DYRK1A: variants seen among roughly 807,000 people sequenced by gnomAD.
The protein encoded by DYRK1A is dual specificity tyrosine-phosphorylation-regulated kinase 1A.
Under a neutral mutation model 79.7 loss-of-function variants are expected in DYRK1A, and 9 were observed. The ratio of observed to expected loss-of-function variants is 0.11; its 90% CI spans 0.07 to 0.20. The LOEUF (loss-of-function observed/expected upper bound fraction) is 0.20, where lower values mean the gene tolerates loss of function less well. DYRK1A is among the 10% of genes least tolerant of loss of function. The pLI, the probability that DYRK1A is intolerant of heterozygous loss-of-function variation, is 1.00. For synonymous variants in DYRK1A, 349 were observed against 329.7 expected (o/e 1.06, Z -0.63); for missense variants, 622 against 956.0 (o/e 0.65, Z 4.61).
chr21:37,446,107 G>A (rs1256773226), intron 2 of DYRK1A, among the ~76,000 whole-genome samples: 1 of 151,968 alleles, frequency 6.6e-6, no homozygotes, highest in Non-Finnish European at 1.5e-5. Context: ...TGATGTGCAG[G>A]AAAATGTATT....
intron 1 of DYRK1A, among the ~76,000 whole-genome samples, chr21:37,377,232 A>G (rs547399193): frequency 3.3e-5 from 5 of 151,846 alleles, no homozygotes; most frequent in Non-Finnish European, 7.4e-5. Context: ...CCATTCTCCT[A>G]TCTCAGCCTC....
Position 37,496,246 on chromosome 21 carries a change from A to G in DYRK1A, c.1200A>G (p.Lys400=). 6.2e-7 allele frequency: 1 copy of G among 1,612,648 alleles called. No individual in the cohort carries two copies. Among genetic ancestry groups the G allele is most frequent in the South Asian group, 1.1e-5 (1 of 90,590 alleles). Residue 400 remains lysine, a synonymous_variant, in exon 9 of 12, where the codon AAA becomes AAG. Transcript: ENST00000647188. ...PDGTWNLKKT[K]DGKREYKPPG... The stretch of plus-strand genomic sequence containing the variant: ...GCACTTGGAACTTAAAGAAGACCAA[A>G]GATGGAAAACGGGTAAAATAAGGAT...
intron 3 of DYRK1A, among the ~76,000 whole-genome samples, chr21:37,474,907 A>T (rs2052345640): frequency 6.6e-6 from 1 of 152,176 alleles, no homozygotes; most frequent in South Asian, 2.1e-4. Flanking sequence ...AGCTTTATTA[A>T]TGCTCTCAAA....
rs2148374971 is a variant in DYRK1A at position 37,384,116 on chromosome 21, A to T, written c.-77+16488A>T. Among the ~76,000 whole-genome samples, 2 of 152,240 alleles carry T rather than the reference A, an allele frequency of 1.3e-5. 1 individual carries two copies. Among genetic ancestry groups the T allele is most frequent in the South Asian group, 4.1e-4 (2 of 4,828 alleles). On this transcript the variant is annotated intron_variant, in intron 1 of 11. Transcript: ENST00000647188. ...TTTCACACCTCAGTGCAGGAAGGGG[A>T]TCCCAGATAAAGCCACGTGGCCCCA...
At chr21:37,480,150 T>C (rs2052585306) in intron 4 of DYRK1A, among the ~76,000 whole-genome samples, 1 of 152,180 alleles carries the variant, frequency 6.6e-6, no homozygotes, top group Non-Finnish European at 1.5e-5. Context: ...CAAATATAAA[T>C]AAATTCATGC....
intron 1 of DYRK1A, among the ~76,000 whole-genome samples, chr21:37,410,917 C>T (rs1366079527): frequency 2.0e-5 from 3 of 151,890 alleles, no homozygotes; most frequent in Admixed American, 6.6e-5. Context: ...GGCATGGTGG[C>T]GCCCACTTGT....
chr21:37,454,471 A>T (rs577097679), intron 2 of DYRK1A, among the ~76,000 whole-genome samples: 2 of 152,280 alleles, frequency 1.3e-5, no homozygotes, highest in Non-Finnish European at 2.9e-5. Context: ...GTAGTTTTGG[A>T]TGCTTATGGA....
intron 10 of DYRK1A, 79 bp from the exon 11 acceptor site, chr21:37,506,020 G>A: frequency 6.7e-7 from 1 of 1,484,796 alleles, no homozygotes; most frequent in Admixed American, 2.0e-5. Flanking sequence ...CAGTTTTAAT[G>A]GTATAGCTTC....
intron 2 of DYRK1A, among the ~76,000 whole-genome samples, chr21:37,420,790 A>T (rs1179207829): frequency 2.0e-5 from 3 of 152,050 alleles, no homozygotes; most frequent in African/African-American, 4.8e-5. Flanking sequence ...CAAGTTAAGG[A>T]TATTATACCC....
At chr21:37,450,414 CGTT>C (rs1354068697) in intron 2 of DYRK1A, among the ~76,000 whole-genome samples, 2 of 152,134 alleles carry the variant, frequency 1.3e-5, no homozygotes, top group African/African-American at 2.4e-5. Flanking sequence ...ATTTTTATCA[CGTT>C]GTTAAGCCTC....
At chr21:37,447,789 G>C (rs2051320789) in intron 2 of DYRK1A, among the ~76,000 whole-genome samples, 1 of 152,168 alleles carries the variant, frequency 6.6e-6, no homozygotes, top group African/African-American at 2.4e-5. Flanking sequence ...TAGCCTCTAG[G>C]TGTGGGATCA....
chr21:37,441,126 C>T (rs1431484390), intron 2 of DYRK1A, among the ~76,000 whole-genome samples: 1 of 152,084 alleles, frequency 6.6e-6, no homozygotes, highest in Non-Finnish European at 1.5e-5. Flanking sequence ...GGTGATTTGA[C>T]ACTTTTATCA....
intron 5 of DYRK1A, 65 bp downstream of exon 5, chr21:37,480,891 A>G: frequency 7.6e-7 from 1 of 1,310,594 alleles, no homozygotes; most frequent in Admixed American, 2.3e-5. Context: ...TCTTGTTGTT[A>G]ACAGCCCTTC....
chr21:37,417,085 C>T (rs936826970), intron 1 of DYRK1A, among the ~76,000 whole-genome samples: 4 of 152,126 alleles, frequency 2.6e-5, no homozygotes, highest in Non-Finnish European at 5.9e-5. Flanking sequence ...ACATATTGCA[C>T]CTGCCATTTA....
chr21:37,395,949 C>G (rs967430825), intron 1 of DYRK1A, among the ~76,000 whole-genome samples: 1 of 152,210 alleles, frequency 6.6e-6, no homozygotes, highest in Non-Finnish European at 1.5e-5. Context: ...TAACATATGA[C>G]AAGCCAGGGC....
chr21:37,395,989 G>A (rs986220647), intron 1 of DYRK1A, among the ~76,000 whole-genome samples: 5 of 152,324 alleles, frequency 3.3e-5, no homozygotes, highest in Admixed American at 2.6e-4. Context: ...CATAGGAGAT[G>A]TTCTCTCAGG....
intron 5 of DYRK1A, among the ~76,000 whole-genome samples, chr21:37,484,688 C>T (rs917415674): frequency 1.3e-5 from 2 of 152,186 alleles, no homozygotes; most frequent in African/African-American, 4.8e-5. Flanking sequence ...GCCATACAGG[C>T]TGCTCTGTAA....
chr21:37,504,566 C>T (rs1405860163), intron 9 of DYRK1A: 1 of 152,184 alleles, frequency 6.6e-6, no homozygotes, highest in Non-Finnish European at 1.5e-5. Context: ...TAACAGAAGT[C>T]AAAGTCTGGT....
At chr21:37,412,485 G>C (rs918229110) in intron 1 of DYRK1A, among the ~76,000 whole-genome samples, 8 of 152,168 alleles carry the variant, frequency 5.3e-5, no homozygotes, top group Non-Finnish European at 1.0e-4. Flanking sequence ...CAGGCTTCCT[G>C]AATCAGGATT....
Sources: gnomAD v4.1 joint callset for allele counts (sites outside exome capture counted in the v4.1 genomes callset) on GRCh38, gnomAD v4.1.1 for gene constraint, MANE v1.5 for transcripts, NCBI Gene and HGNC (gene_info 2026-07-23, HGNC 2026-07-21) for gene names.